TRPS1: variants seen among roughly 807,000 people sequenced by gnomAD.
TRPS1 encodes transcriptional repressor GATA binding 1, also known as zinc finger transcription factor Trps1.
In TRPS1, 6 loss-of-function variants were observed where a neutral mutation model predicts 101.2. The observed-to-expected ratio is 0.06, with a 90% CI of 0.03 to 0.12. The LOEUF (loss-of-function observed/expected upper bound fraction) is 0.12, where lower values mean the gene tolerates loss of function less well. Among genes scored for constraint, TRPS1 ranks in the 10% least tolerant of loss-of-function variants. TRPS1 has a pLI of 1.00. For synonymous variants in TRPS1, 578 were observed against 589.8 expected (o/e 0.98, Z 0.29); for missense variants, 1,363 against 1,567.0 (o/e 0.87, Z 2.20).
chr8:115,574,291 G>C (rs371121748), intron 5 of TRPS1, among the ~76,000 whole-genome samples: 99 of 152,206 alleles, frequency 6.5e-4, no homozygotes, highest in African/African-American at 2.3e-3. Context: ...GTACAGGTTA[G>C]TTTGGTCTAG....
intron 1 of TRPS1, among the ~76,000 whole-genome samples, chr8:115,631,315 A>G (rs1017413067): frequency 2.0e-5 from 3 of 152,138 alleles, no homozygotes; most frequent in African/African-American, 7.2e-5. Flanking sequence ...TTATATTATC[A>G]TTGTTGTTAA....
intron 5 of TRPS1, among the ~76,000 whole-genome samples, chr8:115,546,008 T>A (rs1816561405): frequency 6.6e-6 from 1 of 152,118 alleles, no homozygotes; most frequent in Non-Finnish European, 1.5e-5. Context: ...GGAATTACAG[T>A]GTCTTTAATT....
intron 5 of TRPS1, among the ~76,000 whole-genome samples, chr8:115,448,049 T>A (rs1328660652): frequency 3.3e-5 from 5 of 152,136 alleles, no homozygotes; most frequent in Non-Finnish European, 7.4e-5. Context: ...AAAATCCTGT[T>A]CACATACCAA....
intron 1 of TRPS1, among the ~76,000 whole-genome samples, chr8:115,641,514 C>T (rs1460852655): frequency 6.6e-6 from 1 of 152,162 alleles, no homozygotes; most frequent in East Asian, 1.9e-4. Flanking sequence ...TTACAATGAG[C>T]TCAATAAATA....
intron 5 of TRPS1, among the ~76,000 whole-genome samples, chr8:115,432,210 C>T (rs1180632): frequency 1 from 151,794 of 151,794 alleles, 75,897 homozygotes; most frequent in Non-Finnish European, 1. Flanking sequence ...ATCAGTAAAT[C>T]AATGACACTT....
chr8:115,510,001 G>A (rs1815542699), intron 5 of TRPS1, among the ~76,000 whole-genome samples: 1 of 151,934 alleles, frequency 6.6e-6, no homozygotes, highest in African/African-American at 2.4e-5. Flanking sequence ...AAACATCAAT[G>A]GTTGAACCCT....
chr8:115,642,129 C>T (rs777207633), intron 1 of TRPS1, among the ~76,000 whole-genome samples: 16 of 151,504 alleles, frequency 1.1e-4, no homozygotes, highest in Non-Finnish European at 2.1e-4. Flanking sequence ...CTGGAAGAGC[C>T]CTTGCGCCCA....
chr8:115,662,036 G>C (rs1427908505), intron 1 of TRPS1, among the ~76,000 whole-genome samples: 1 of 151,970 alleles, frequency 6.6e-6, no homozygotes, highest in Admixed American at 6.6e-5. Context: ...CTTGCACTAT[G>C]CTGATGTGAA....
Position 115,587,432 on chromosome 8 carries a change from A to G in TRPS1, c.2269T>C (p.Phe757Leu). 1 of 1,614,110 alleles carries G rather than the reference A, an allele frequency of 6.2e-7. No homozygotes were observed. Among genetic ancestry groups the G allele is most frequent in the African/African-American group, 1.3e-5 (1 of 75,004 alleles). ...GGAGTTAGCAGATTGTAGACCCTGA[A>G]GTCAATTTTGGGCTCCTCTTTGATG... is the stretch of plus-strand genomic sequence containing the variant. ...STIKEEPKID[F>L]RVYNLLTPDS... The change falls in exon 5 of 7, where the codon TTC becomes CTC. Residue 757 changes from phenylalanine to leucine, a missense_variant. Physicochemically the swap from Phe to Leu is conservative, Grantham distance 22. Around this residue, in one of 5 missense-constraint regions of TRPS1, gnomAD observed 1,020 missense variants for 1,073.0 expected, o/e 0.95. Coordinates refer to ENST00000395715, the MANE Select transcript of TRPS1 (RefSeq NM_014112.5).
intron 3 of TRPS1, among the ~76,000 whole-genome samples, chr8:115,612,614 G>A (rs1009916180): frequency 6.6e-6 from 1 of 152,162 alleles, no homozygotes; most frequent in Non-Finnish European, 1.5e-5. Context: ...TGGAAAAACA[G>A]GTCTTGGAAC....
intron 1 of TRPS1, among the ~76,000 whole-genome samples, chr8:115,660,183 C>T (rs1811760354): frequency 6.6e-6 from 1 of 151,944 alleles, no homozygotes; most frequent in South Asian, 2.1e-4. Flanking sequence ...TCTGATCTTC[C>T]ATATGATATG....
At chr8:115,495,641 G>T (rs962457748) in intron 5 of TRPS1, among the ~76,000 whole-genome samples, 2 of 151,592 alleles carry the variant, frequency 1.3e-5, no homozygotes, top group South Asian at 4.2e-4. Context: ...ATGAAAATAG[G>T]ATTAGTTTAC....
At chr8:115,624,864 GCACCTT>G (rs1251039096) in intron 1 of TRPS1, among the ~76,000 whole-genome samples, 1 of 151,588 alleles carries the variant, frequency 6.6e-6, no homozygotes, top group Non-Finnish European at 1.5e-5. Context: ...TCTCAAGAGG[GCACCTT>G]CACAGCAAAA....
At chr8:115,419,640 C>G (rs1274030330) in intron 5 of TRPS1, among the ~76,000 whole-genome samples, 1 of 152,142 alleles carries the variant, frequency 6.6e-6, no homozygotes, top group African/African-American at 2.4e-5. Context: ...TATAATTGTA[C>G]TCTGATACAT....
intron 5 of TRPS1, among the ~76,000 whole-genome samples, chr8:115,533,701 G>A (rs923204784): frequency 6.6e-6 from 1 of 151,900 alleles, no homozygotes; most frequent in Non-Finnish European, 1.5e-5. Context: ...CATAGACTGG[G>A]TGGCTTAAAC....
chr8:115,580,451 T>C (rs1048895535), intron 5 of TRPS1, among the ~76,000 whole-genome samples: 2 of 152,064 alleles, frequency 1.3e-5, no homozygotes, highest in Non-Finnish European at 2.9e-5. Context: ...TGAATCATTC[T>C]GGCCCTGTGC....
intron 5 of TRPS1, among the ~76,000 whole-genome samples, chr8:115,505,512 T>G (rs1005588460): frequency 1.3e-5 from 2 of 152,156 alleles, no homozygotes; most frequent in African/African-American, 2.4e-5. Flanking sequence ...ATAGTGTATC[T>G]TCTGTAACAG....
At chr8:115,589,986 G>A (rs935626621) in intron 4 of TRPS1, among the ~76,000 whole-genome samples, 1 of 151,980 alleles carries the variant, frequency 6.6e-6, no homozygotes, top group African/African-American at 2.4e-5. Context: ...GTGTGGTGGC[G>A]GGAGCCTGTA....
intron 1 of TRPS1, among the ~76,000 whole-genome samples, chr8:115,626,291 A>C (rs1054193953): frequency 6.6e-6 from 1 of 151,634 alleles, no homozygotes; most frequent in South Asian, 2.1e-4. Context: ...TTTAGGGAAA[A>C]AAAAAAAACA....
Sources: gnomAD v4.1 joint callset for allele counts (sites outside exome capture counted in the v4.1 genomes callset) on GRCh38, gnomAD v4.1.1 for gene constraint, gnomAD v4.1.1 regional missense constraint, MANE v1.5 for transcripts, NCBI Gene and HGNC (gene_info 2026-07-23, HGNC 2026-07-21) for gene names.